Variants in MAP3K4 observed in about 807,000 individuals in gnomAD.
MAP3K4 encodes mitogen-activated protein kinase kinase kinase 4.
Under a neutral mutation model 185.6 loss-of-function variants are expected in MAP3K4, and 67 were observed. The observed-to-expected ratio is 0.36, with a 90% CI of 0.30 to 0.44. The LOEUF (loss-of-function observed/expected upper bound fraction) is 0.44, where lower values mean the gene tolerates loss of function less well. MAP3K4 is among the 20% of genes least tolerant of loss of function. The pLI, the probability that MAP3K4 is intolerant of heterozygous loss-of-function variation, is 1.00. For missense variants in MAP3K4, 1,551 were observed against 1,995.1 expected (o/e 0.78, Z 4.24); for synonymous variants, 702 against 710.4 (o/e 0.99, Z 0.19).
At chr6:161,083,015 T>C (rs1430579865) in intron 6 of MAP3K4, among the ~76,000 whole-genome samples, 1 of 152,182 alleles carries the variant, frequency 6.6e-6, no homozygotes, top group Non-Finnish European at 1.5e-5. Flanking sequence ...TTGTCCTCCT[T>C]CTAGACCCTC....
Position 161,112,789 on chromosome 6 carries a change from C to A in MAP3K4, c.4626+15C>A, listed in dbSNP as rs1374690130. 3.2e-6 allele frequency: 5 copies of A among 1,546,152 alleles called. 1 individual carries two copies. The highest frequency in any genetic ancestry group is 2.3e-5 in the East Asian group (1 of 43,176). ...TGACTGGCAAGGTAAGCGGAGCCCC[C>A]ACACCTGGCGGAGCAACTTCAGAAG... is the stretch of plus-strand genomic sequence containing the variant. On this transcript the variant is annotated intron_variant, in intron 25 of 26. Coordinates refer to ENST00000392142, the MANE Select transcript of MAP3K4 (RefSeq NM_005922.4). The surrounding 1 kb of genome is among the most constrained non-coding windows in gnomAD (Gnocchi z 5.1).
At chr6:161,105,500 A>G (rs912060977) in intron 19 of MAP3K4, among the ~76,000 whole-genome samples, 5 of 152,180 alleles carry the variant, frequency 3.3e-5, no homozygotes, top group Admixed American at 6.5e-5. Context: ...TATCCCAGGC[A>G]TTTTGATTCT....
chr6:161,044,519 C>G (rs1350000780), intron 2 of MAP3K4, among the ~76,000 whole-genome samples: 5 of 152,112 alleles, frequency 3.3e-5, no homozygotes, highest in South Asian at 2.1e-4. Flanking sequence ...CTATAGACTA[C>G]CCCCGCACCC....
chr6:161,084,904 T>C lies in MAP3K4; in HGVS notation c.2372+287T>C, dbSNP rs142193687. Among the ~76,000 whole-genome samples, 137 of 152,286 alleles carry C rather than the reference T, an allele frequency of 9.0e-4. 1 individual carries two copies. Among genetic ancestry groups the C allele is most frequent in the African/African-American group, 3.2e-3 (131 of 41,560 alleles). On this transcript the variant is annotated intron_variant, in intron 7 of 26. Transcript: ENST00000392142. This position sits in a 1 kb window ranked among gnomAD's most constrained non-coding sequence, Gnocchi z 4.6. ...GCTCACGCCTGTAATCCCAGTACTT[T>C]GGGAGGCCGAGGTGGGTGAATCACC...
At chr6:161,030,997 G>A (rs192671272) in intron 1 of MAP3K4, among the ~76,000 whole-genome samples, 1 of 152,266 alleles carries the variant, frequency 6.6e-6, no homozygotes, top group Admixed American at 6.5e-5. Flanking sequence ...CGTTTTCTGT[G>A]ATGCTTAATG....
chr6:160,992,368 G>C, intron 1 of MAP3K4: 1 of 472,450 alleles, frequency 2.1e-6, no homozygotes, highest in African/African-American at 2.1e-5. Flanking sequence ...AACGTTGCGG[G>C]GGCTGGGAGC....
chr6:161,039,793 A>G (rs1040238406), intron 2 of MAP3K4, among the ~76,000 whole-genome samples: 4 of 152,232 alleles, frequency 2.6e-5, no homozygotes, highest in South Asian at 4.1e-4. Flanking sequence ...GAATTAGAAC[A>G]TCCAACATAT....
At position 160,991,877 on chromosome 6, in the gene MAP3K4, C is replaced by T; in HGVS notation, c.-55C>T. ...TCCCGCACTTCGGGGCTCCGGTGCC[C>T]CGCGCCAGGCTGCAGCTTACTGCCC... On this transcript the variant is annotated 5_prime_UTR_variant, in exon 1 of 27. Transcript: ENST00000392142. The surrounding 1 kb of genome is among the most constrained non-coding windows in gnomAD (Gnocchi z 5.7). The T allele has an allele frequency of 1.4e-6, 2 of 1,443,472 alleles. No individual in the cohort carries two copies. The highest frequency in any genetic ancestry group is 1.8e-6 in the Non-Finnish European group (2 of 1,108,978). The allele number at this position is 1,443,472 out of a possible 1,614,324, so 89.4% of individuals were successfully genotyped here.
rs182728950 is a variant in MAP3K4, at chr6:161,088,179, A to C, written c.2823+225A>C. ...CTGGAATACTTGAAATAAACCATCT[A>C]TCTGGTTTATATCTTTTCTTAGTTC... On this transcript the variant is annotated intron_variant, in intron 10 of 26. Coordinates refer to ENST00000392142, the MANE Select transcript of MAP3K4 (RefSeq NM_005922.4). The surrounding 1 kb of genome is among the most constrained non-coding windows in gnomAD (Gnocchi z 4.5). Among the ~76,000 whole-genome samples, 1 of 152,240 alleles carries C rather than the reference A, an allele frequency of 6.6e-6. No individual in the cohort carries two copies. The highest frequency in any genetic ancestry group is 1.9e-4 in the East Asian group (1 of 5,186).
chr6:161,107,164 C>G lies in MAP3K4; in HGVS notation c.4048+459C>G, dbSNP rs1778120142. ...AAAACATTGCCTCATTAATTAATTTCCAGGTGGAATTGCTTCATGTAAAAT... is the reference window on the plus strand; with the variant it reads ...AAAACATTGCCTCATTAATTAATTTGCAGGTGGAATTGCTTCATGTAAAAT... On this transcript the variant is annotated intron_variant, in intron 20 of 26. Transcript: ENST00000392142. This position sits in a 1 kb window ranked among gnomAD's most constrained non-coding sequence, Gnocchi z 6.2. Among the ~76,000 whole-genome samples the G allele has an allele frequency of 6.6e-6, 1 of 151,974 alleles. No individual in the cohort carries two copies. The highest frequency in any genetic ancestry group is 1.5e-5 in the Non-Finnish European group (1 of 68,016).
rs1463462954 is a variant in MAP3K4 at position 161,117,363 on chromosome 6, A to G, written c.*493A>G. 1 of 154,160 alleles carries G rather than the reference A, an allele frequency of 6.5e-6. No homozygotes were observed. 9.5% of individuals were successfully genotyped at this position (154,160 alleles called of 1,614,324 possible). ...AAGAAAAAGGTTCTTTTTTCAATAA[A>G]TGGTTTATTTTAGGAAAGCTCAGTT... is the stretch of plus-strand genomic sequence containing the variant. On this transcript the variant is annotated 3_prime_UTR_variant, in exon 27 of 27. Transcript: ENST00000392142.
intron 18 of MAP3K4, among the ~76,000 whole-genome samples, chr6:161,102,316 G>C (rs927025646): frequency 6.6e-6 from 1 of 152,178 alleles, no homozygotes; most frequent in Admixed American, 6.5e-5. Context: ...CACTGTGTTT[G>C]TTGATCGTAT....
Position 161,080,698 on chromosome 6 carries a change from T to A in MAP3K4, c.2098-183T>A, listed in dbSNP as rs1022637516. 10 of 552,030 alleles carry A rather than the reference T, an allele frequency of 1.8e-5. No individual in the cohort carries two copies. Among genetic ancestry groups the A allele is most frequent in the African/African-American group, 5.7e-5 (3 of 52,230 alleles). The allele number at this position is 552,030 out of a possible 1,614,324, so 34.2% of individuals were successfully genotyped here. ...CTGGGGAGTTAGTTTTGTGATTTTT[T>A]AAAAAATCCTCATTTAGACCTCAGC... is the stretch of plus-strand genomic sequence containing the variant. On this transcript the variant is annotated intron_variant, in intron 5 of 26. Coordinates refer to ENST00000392142, the MANE Select transcript of MAP3K4 (RefSeq NM_005922.4). This position sits in a 1 kb window ranked among gnomAD's most constrained non-coding sequence, Gnocchi z 4.8.
chr6:161,025,663 A>C (rs1258831482), intron 1 of MAP3K4, among the ~76,000 whole-genome samples: 1 of 152,238 alleles, frequency 6.6e-6, no homozygotes, highest in Admixed American at 6.5e-5. Context: ...CCAATGATAT[A>C]GAATGTTTTT....
intron 15 of MAP3K4, among the ~76,000 whole-genome samples, chr6:161,094,067 TC>T (rs1203320518): frequency 1.3e-5 from 2 of 152,240 alleles, no homozygotes; most frequent in African/African-American, 2.4e-5. Flanking sequence ...CATACGCTAT[TC>T]CATACCAGCC....
At chr6:161,029,479 A>T (rs1782822001) in intron 1 of MAP3K4, among the ~76,000 whole-genome samples, 1 of 152,230 alleles carries the variant, frequency 6.6e-6, no homozygotes, top group Admixed American at 6.5e-5. Flanking sequence ...TTCAAGACAT[A>T]CTTTGCCTAG....
chr6:161,001,083 CACATATGT>C (rs1345991199), intron 1 of MAP3K4, among the ~76,000 whole-genome samples: 1 of 126,966 alleles, frequency 7.9e-6, no homozygotes, highest in African/African-American at 3.0e-5. Context: ...TTATAATATA[CACATATGT>C]ATATAATATA....
chr6:161,003,311 GAA>G (rs1312588830), intron 1 of MAP3K4, among the ~76,000 whole-genome samples: 29 of 152,196 alleles, frequency 1.9e-4, no homozygotes, highest in Admixed American at 1.8e-3. Context: ...CGCTTAAGAG[GAA>G]AGGGCTCCTT....
rs1170397798 is a variant in MAP3K4 at position 161,109,902 on chromosome 6, C to T, written c.4384C>T (p.Arg1462Cys). ...CCTCCATGAGCATGGCATAGTCCAC[C>T]GTGACATTAAAGGTAATCCCACACC... The part of the protein sequence containing the change: ...NVLHEHGIVH[R>C]DIKGANIFLT... The change falls in exon 23 of 27, where the codon CGT becomes TGT. Residue 1462 changes from arginine (R) to cysteine (C), a missense_variant. Physicochemically the swap from Arg to Cys is radical, Grantham distance 180. Around this residue, in one of 16 missense-constraint regions of MAP3K4, gnomAD observed 159 missense variants for 300.5 expected, o/e 0.53. Transcript: ENST00000392142. The surrounding 1 kb of genome is among the most constrained non-coding windows in gnomAD (Gnocchi z 5.7). 1.9e-6 allele frequency: 3 copies of T among 1,613,988 alleles called. No homozygotes were observed. Among genetic ancestry groups the T allele is most frequent in the Non-Finnish European group, 2.5e-6 (3 of 1,180,010 alleles).
Sources: gnomAD v4.1 joint callset for allele counts (sites outside exome capture counted in the v4.1 genomes callset) on GRCh38, gnomAD v4.1.1 for gene constraint, gnomAD v4.1.1 regional missense constraint, Gnocchi (gnomAD v3.1) non-coding constraint, MANE v1.5 for transcripts, NCBI Gene and HGNC (gene_info 2026-07-23, HGNC 2026-07-21) for gene names.